The following NFIC variants were observed in gnomAD, a reference collection of about 807,000 sequenced individuals.
NFIC encodes nuclear factor 1 C-type.
NFIC carries 12 observed loss-of-function variants against 54.4 expected under a neutral mutation model. That is an observed-to-expected ratio of 0.22 (90% CI 0.14 to 0.36). The LOEUF is 0.36. Ranked by LOEUF, NFIC falls within the 10% of genes least tolerant of loss-of-function variation. NFIC has a pLI of 1.00. For synonymous variants in NFIC, 322 were observed against 319.2 expected, an observed-to-expected ratio of 1.01 and a Z score of -0.09; for missense variants, 575 against 718.2, an observed-to-expected ratio of 0.80 and a Z score of 2.28.
chr19:3,380,913 C>T (rs540235384), intron 1 of NFIC, among the ~76,000 whole-genome samples: 2 of 152,126 alleles, frequency 1.3e-5, no homozygotes, highest in South Asian at 2.1e-4. Context: ...CTCGGCCTCC[C>T]GAAGCGCTGG....
chr19:3,459,507 G>A lies in NFIC; in HGVS notation c.1509+2872G>A, dbSNP rs773978495. On this transcript the variant is annotated intron_variant, in intron 10 of 10. Coordinates refer to ENST00000443272, the MANE Select transcript of NFIC (RefSeq NM_001245002.2). This position sits in a 1 kb window ranked among gnomAD's most constrained non-coding sequence, Gnocchi z 4.2. ...GCCACATGCCGGGAGCCACACAGGCGGCTGCAGCCAGGCCAGCAGGATACC... is the reference window on the plus strand; with the variant it reads ...GCCACATGCCGGGAGCCACACAGGCAGCTGCAGCCAGGCCAGCAGGATACC... 2.0e-5 allele frequency among the ~76,000 whole-genome samples: 3 copies of A among 152,170 alleles called. No individual in the cohort carries two copies. Among genetic ancestry groups the A allele is most frequent in the African/African-American group, 7.2e-5 (3 of 41,430 alleles).
chr19:3,453,625 C>T lies in NFIC; in HGVS notation c.1270-138C>T. 8.1e-7 allele frequency: 1 copy of T among 1,235,424 alleles called. No individual in the cohort carries two copies. The allele number at this position is 1,235,424 out of a possible 1,614,324, so 76.5% of individuals were successfully genotyped here. A position where few individuals can be genotyped will look rare whatever the true frequency, so the allele number is the denominator to read the frequency against. ...GCCGTCCTCAGACCCACCAAACCCG[C>T]CATGGTCACACCCGCGCCCTGGCCC... On this transcript the variant is annotated intron_variant, in intron 8 of 10. Coordinates refer to ENST00000443272, the MANE Select transcript of NFIC (RefSeq NM_001245002.2). The surrounding 1 kb of genome is among the most constrained non-coding windows in gnomAD (Gnocchi z 6.7).
Position 3,370,957 on chromosome 19 carries a change from C to T in NFIC, c.30+4291C>T, listed in dbSNP as rs1232354614. Among the ~76,000 whole-genome samples the T allele has an allele frequency of 3.3e-5, 5 of 152,230 alleles. No homozygotes were observed. The highest frequency in any genetic ancestry group is 4.4e-5 in the Non-Finnish European group (3 of 68,042). ...TTCACATCCATGAGCACACGCTGGG[C>T]GCACACGCGTGCACACTCCCTGACA... On this transcript the variant is annotated intron_variant, in intron 1 of 10. Coordinates refer to ENST00000443272, the MANE Select transcript of NFIC (RefSeq NM_001245002.2). The surrounding 1 kb of genome is among the most constrained non-coding windows in gnomAD (Gnocchi z 5.2).
At position 3,381,923 on chromosome 19, in the gene NFIC, G is replaced by A. The variant is rs1357771413; in HGVS notation, c.242G>A (p.Arg81His). 1.2e-6 allele frequency: 2 copies of A among 1,613,638 alleles called. No homozygotes were observed. The highest frequency in any genetic ancestry group is 1.3e-5 in the African/African-American group (1 of 75,050). Residue 81 changes from arginine (R) to histidine (H), a missense_variant, in exon 2 of 11, where the codon CGC becomes CAC. By Grantham distance (29) the Arg-to-His change is conservative. Transcript: ENST00000443272. ...GCGTCGCGGCTGCTGGCCAAGCTGC[G>A]CAAGGACATCCGGCCCGAGTGCCGC... is the stretch of plus-strand genomic sequence containing the variant. Reference protein sequence around the residue: ...KWASRLLAKLRKDIRPECRED... With the variant: ...KWASRLLAKLHKDIRPECRED...
chr19:3,401,649 C>T (rs931980027), intron 2 of NFIC, among the ~76,000 whole-genome samples: 1 of 152,088 alleles, frequency 6.6e-6, no homozygotes, highest in African/African-American at 2.4e-5. Flanking sequence ...CCGGGAGGCC[C>T]GTGGGGCTCT....
In NFIC at chr19:3,463,130, C is replaced by T; in HGVS notation, c.*361C>T. The T allele has an allele frequency of 8.7e-7, 1 of 1,146,166 alleles. No individual in the cohort carries two copies. The highest frequency in any genetic ancestry group is 1.1e-6 in the Non-Finnish European group (1 of 931,530). 71.0% of individuals were successfully genotyped at this position (1,146,166 alleles called of 1,614,324 possible). On this transcript the variant is annotated 3_prime_UTR_variant, in exon 11 of 11. Coordinates refer to ENST00000443272, the MANE Select transcript of NFIC (RefSeq NM_001245002.2). Reference sequence around the variant, plus strand: ...TCCTAAGTTATTCATCTCCTCTCCGCCTGCTGCTCGGGAAGGACAGACGCC... The same window carrying T: ...TCCTAAGTTATTCATCTCCTCTCCGTCTGCTGCTCGGGAAGGACAGACGCC...
intron 2 of NFIC, among the ~76,000 whole-genome samples, 158 bp from the exon 3 acceptor site, chr19:3,424,948 C>T (rs1326140735): frequency 6.6e-6 from 1 of 152,178 alleles, no homozygotes; most frequent in Non-Finnish European, 1.5e-5. Context: ...AGGGAAGGGC[C>T]CAAAGAGAGA....
chr19:3,394,311 TC>T (rs2081422836), intron 2 of NFIC, among the ~76,000 whole-genome samples: 1 of 151,682 alleles, frequency 6.6e-6, no homozygotes, highest in Non-Finnish European at 1.5e-5. Flanking sequence ...AGACCTTGTC[TC>T]TACAAAAAAA....
chr19:3,376,648 C>T (rs763463988), intron 1 of NFIC, among the ~76,000 whole-genome samples: 8 of 152,074 alleles, frequency 5.3e-5, no homozygotes, highest in Middle Eastern at 3.2e-3. Context: ...GTGGGAGAAT[C>T]GCTTGAGTCT....
At position 3,452,340 on chromosome 19, in the gene NFIC, C is replaced by G; in HGVS notation, c.1085-142C>G. 1.8e-6 allele frequency: 2 copies of G among 1,098,540 alleles called. No homozygotes were observed. Among genetic ancestry groups the G allele is most frequent in the Non-Finnish European group, 2.6e-6 (2 of 756,834 alleles). 68.0% of individuals were successfully genotyped at this position (1,098,540 alleles called of 1,614,324 possible). ...AATTTGGGTGTCAATGTGGTCAGTGCTGCTGGGTTTTTTTGGTGGTTATTG... is the reference window on the plus strand; with the variant it reads ...AATTTGGGTGTCAATGTGGTCAGTGGTGCTGGGTTTTTTTGGTGGTTATTG... On this transcript the variant is annotated intron_variant, in intron 7 of 10. Coordinates refer to ENST00000443272, the MANE Select transcript of NFIC (RefSeq NM_001245002.2). This position sits in a 1 kb window ranked among gnomAD's most constrained non-coding sequence, Gnocchi z 5.3.
intron 2 of NFIC, among the ~76,000 whole-genome samples, chr19:3,383,775 C>T (rs550901618): frequency 6.6e-6 from 1 of 152,306 alleles, no homozygotes; most frequent in African/African-American, 2.4e-5. Context: ...CCAGCCCAGG[C>T]AGCACTCTAT....
chr19:3,464,393 C>T lies in NFIC; in HGVS notation c.*1624C>T, dbSNP rs904433965. On this transcript the variant is annotated 3_prime_UTR_variant, in exon 11 of 11. Transcript: ENST00000443272. Reference sequence around the variant, plus strand: ...AACACTAAGCTGGGGACGCCAGGTGCCCCCCCACCCCGGCTCCCTGGCCCT... The same window carrying T: ...AACACTAAGCTGGGGACGCCAGGTGTCCCCCCACCCCGGCTCCCTGGCCCT... 7.5e-5 allele frequency: 74 copies of T among 982,516 alleles called. No individual in the cohort carries two copies. The African/African-American group carries it at 1.1e-3, about 15-fold the overall frequency. The allele number at this position is 982,516 out of a possible 1,614,324, so 60.9% of individuals were successfully genotyped here. A position where few individuals can be genotyped will look rare whatever the true frequency, so the allele number is the denominator to read the frequency against.
intron 3 of NFIC, among the ~76,000 whole-genome samples, chr19:3,431,126 G>C (rs1462249523): frequency 1.3e-5 from 2 of 151,530 alleles, no homozygotes. Flanking sequence ...GCCCAGGCTG[G>C]AGTGCAATGT....
intron 2 of NFIC, among the ~76,000 whole-genome samples, chr19:3,407,502 T>C (rs1261365585): frequency 6.6e-6 from 1 of 151,692 alleles, no homozygotes; most frequent in Non-Finnish European, 1.5e-5. Context: ...TGGTGCAATC[T>C]TGGTTCACCG....
At chr19:3,385,334 C>T (rs1432010207) in intron 2 of NFIC, among the ~76,000 whole-genome samples, 1 of 151,968 alleles carries the variant, frequency 6.6e-6, no homozygotes, top group African/African-American at 2.4e-5. Flanking sequence ...CTCACCCTCT[C>T]TGTGCTTCAT....
chr19:3,372,010 TCTCTCTCTCTC>T (rs2081028577), intron 1 of NFIC, among the ~76,000 whole-genome samples: 1 of 115,156 alleles, frequency 8.7e-6, no homozygotes, highest in African/African-American at 3.7e-5. Context: ...TCTCTCTCTC[TCTCTCTCTCTC>T]TCTCTCTCTC....
At chr19:3,423,687 G>A (rs745379709) in intron 2 of NFIC, among the ~76,000 whole-genome samples, 31 of 152,202 alleles carry the variant, frequency 2.0e-4, no homozygotes, top group Non-Finnish European at 7.3e-5. Flanking sequence ...CTGCGCGTCT[G>A]CCAAGGAACC....
Position 3,369,442 on chromosome 19 carries a change from C to T in NFIC, c.30+2776C>T, listed in dbSNP as rs1164224071. On this transcript the variant is annotated intron_variant, in intron 1 of 10. Coordinates refer to ENST00000443272, the MANE Select transcript of NFIC (RefSeq NM_001245002.2). This position sits in a 1 kb window ranked among gnomAD's most constrained non-coding sequence, Gnocchi z 4.3. ...CCCCTTTTCCCAGCTAATTTTACAA[C>T]CTGAGCCCAACCGAAAATAGCTCCC... is the stretch of plus-strand genomic sequence containing the variant. Among the ~76,000 whole-genome samples the T allele has an allele frequency of 6.6e-6, 1 of 151,500 alleles. No individual in the cohort carries two copies. Among genetic ancestry groups the T allele is most frequent in the Non-Finnish European group, 1.5e-5 (1 of 67,564 alleles).
At chr19:3,388,656 C>CA (rs1344213726) in intron 2 of NFIC, among the ~76,000 whole-genome samples, 1 of 150,944 alleles carries the variant, frequency 6.6e-6, no homozygotes, top group Non-Finnish European at 1.5e-5. Context: ...GACCATGCCC[C>CA]CCCCCAACAA....
Sources: allele counts gnomAD v4.1 joint callset (sites outside exome capture counted in the v4.1 genomes callset), GRCh38; gene constraint gnomAD v4.1.1; non-coding constraint Gnocchi (gnomAD v3.1); transcripts MANE v1.5; gene names NCBI Gene and HGNC (gene_info 2026-07-23, HGNC 2026-07-21).